Variants in MRAS observed in about 807,000 individuals in gnomAD.
The protein encoded by MRAS is muscle RAS oncogene homolog.
MRAS carries 4 observed loss-of-function variants against 20.9 expected under a neutral mutation model. The observed-to-expected ratio is 0.19, with a 90% CI of 0.09 to 0.44. MRAS has a LOEUF of 0.44. MRAS is among the 20% of genes least tolerant of loss of function. The pLI is 0.99. For missense variants in MRAS, 154 were observed against 277.5 expected (o/e 0.56, Z 3.16); for synonymous variants, 98 against 102.9 (o/e 0.95, Z 0.29).
rs1342037508 is a variant in MRAS at position 138,404,106 on chromosome 3, C to T, written c.*1837C>T. The stretch of plus-strand genomic sequence containing the variant: ...GAGGCACTTCAAAGTTTCCTTAGAC[C>T]CTATAGTGTTAAGAGGTATTTTAAA... On this transcript the variant is annotated 3_prime_UTR_variant, in exon 6 of 6. Coordinates refer to ENST00000423968, the MANE Select transcript of MRAS (RefSeq NM_001085049.3). 2 of 152,154 alleles carry T rather than the reference C, an allele frequency of 1.3e-5. No individual in the cohort carries two copies. The highest frequency in any genetic ancestry group is 2.9e-5 in the Non-Finnish European group (2 of 68,038). The allele number at this position is 152,154 out of a possible 1,614,324, so 9.4% of individuals were successfully genotyped here. A position where few individuals can be genotyped will look rare whatever the true frequency, so the allele number is the denominator to read the frequency against.
At chr3:138,370,086 A>G (rs2054643710) in intron 1 of MRAS, among the ~76,000 whole-genome samples, 2 of 152,174 alleles carry the variant, frequency 1.3e-5, no homozygotes, top group Admixed American at 1.3e-4. Context: ...TTGGGAGGCC[A>G]AGGCAGGCAG....
chr3:138,356,792 G>C (rs1299845910), intron 1 of MRAS, among the ~76,000 whole-genome samples: 2 of 152,150 alleles, frequency 1.3e-5, no homozygotes, highest in Non-Finnish European at 2.9e-5. Flanking sequence ...TCATGCTCCT[G>C]CTGAGGAAGT....
In MRAS at chr3:138,402,321, C is replaced by A; in HGVS notation, c.*52C>A. 1 of 1,455,682 alleles carries A rather than the reference C, an allele frequency of 6.9e-7. No individual in the cohort carries two copies. The highest frequency in any genetic ancestry group is 9.6e-7 in the Non-Finnish European group (1 of 1,041,394). 90.2% of individuals were successfully genotyped at this position (1,455,682 alleles called of 1,614,324 possible). ...CGGTGGCCTGGCCAGCCCTCGGGAC[C>A]CCTCCCCACCTAACTGCACTGAAAC... On this transcript the variant is annotated 3_prime_UTR_variant, in exon 6 of 6. Coordinates refer to ENST00000423968, the MANE Select transcript of MRAS (RefSeq NM_001085049.3).
intron 2 of MRAS, among the ~76,000 whole-genome samples, chr3:138,384,621 C>T (rs990007322): frequency 1.3e-5 from 2 of 152,090 alleles, no homozygotes; most frequent in South Asian, 2.1e-4. Flanking sequence ...AAGTAGAAGT[C>T]AGGGTGGCAG....
intron 2 of MRAS, among the ~76,000 whole-genome samples, chr3:138,377,381 T>C (rs2108526858): frequency 6.6e-6 from 1 of 152,226 alleles, no homozygotes; most frequent in East Asian, 1.9e-4. Flanking sequence ...CCGAGGTGGG[T>C]GGATCACGAG....
At chr3:138,362,390 C>T (rs1023951743) in intron 1 of MRAS, among the ~76,000 whole-genome samples, 11 of 152,164 alleles carry the variant, frequency 7.2e-5, no homozygotes, top group African/African-American at 1.9e-4. Flanking sequence ...TAACCCTCCC[C>T]CACAACTTTC....
chr3:138,364,167 CAT>C (rs2054514060), intron 1 of MRAS, among the ~76,000 whole-genome samples: 1 of 152,106 alleles, frequency 6.6e-6, no homozygotes, highest in Non-Finnish European at 1.5e-5. Context: ...CCCCCACACA[CAT>C]ATCGGCCTGC....
rs1478046940 is a variant in MRAS, at chr3:138,404,512, G to A, written c.*2243G>A. ...ATAGGGATTTCAACCACACAGTTGG[G>A]ACAGAAGGGACAGTGCATCTGTTCA... is the stretch of plus-strand genomic sequence containing the variant. On this transcript the variant is annotated 3_prime_UTR_variant, in exon 6 of 6. Transcript: ENST00000423968. 6.6e-6 allele frequency: 1 copy of A among 152,276 alleles called. No individual in the cohort carries two copies. The highest frequency in any genetic ancestry group is 2.4e-5 in the African/African-American group (1 of 41,454). 9.4% of individuals were successfully genotyped at this position (152,276 alleles called of 1,614,324 possible).
chr3:138,396,979 G>A (rs1174518901), intron 2 of MRAS, among the ~76,000 whole-genome samples: 2 of 152,182 alleles, frequency 1.3e-5, no homozygotes, highest in Admixed American at 1.3e-4. Flanking sequence ...TCCAAGCCCA[G>A]GTCTGGCCAG....
chr3:138,397,585 G>A (rs2055267846), intron 3 of MRAS, 108 bp downstream of exon 3: 1 of 1,358,332 alleles, frequency 7.4e-7, no homozygotes, highest in African/African-American at 1.5e-5. Context: ...CCTAATTAAA[G>A]GCGTGGATTT....
Position 138,357,292 on chromosome 3 carries a change from G to A in MRAS, c.-19+8525G>A, listed in dbSNP as rs77301828. 9.9e-3 allele frequency among the ~76,000 whole-genome samples: 1,501 copies of A among 152,326 alleles called. 24 individuals are homozygous for A. Among genetic ancestry groups the A allele is most frequent in the African/African-American group, 0.034 (1,398 of 41,574 alleles). On this transcript the variant is annotated intron_variant, in intron 1 of 5. Transcript: ENST00000423968. ...GGGAGGGGTCTGAGGCCACCCAGCC[G>A]GGCTGCAGAATTGGCAGCCTGGGGA...
intron 1 of MRAS, among the ~76,000 whole-genome samples, chr3:138,372,270 C>T (rs550734462): frequency 5.9e-5 from 9 of 152,160 alleles, no homozygotes; most frequent in Admixed American, 2.0e-4. Context: ...GCTCCTACCC[C>T]CTCCTCCCCA....
intron 2 of MRAS, among the ~76,000 whole-genome samples, chr3:138,385,652 A>T (rs2108541249): frequency 6.6e-6 from 1 of 152,032 alleles, no homozygotes; most frequent in East Asian, 1.9e-4. Context: ...AGTAGCTGGG[A>T]CTGCAGGCGC....
intron 4 of MRAS, among the ~76,000 whole-genome samples, chr3:138,399,074 A>G (rs1042269084): frequency 1.3e-5 from 2 of 152,184 alleles, no homozygotes; most frequent in East Asian, 1.9e-4. Context: ...TTGGTGTCCA[A>G]CCTGGAAGAG....
intron 2 of MRAS, among the ~76,000 whole-genome samples, chr3:138,387,042 G>T (rs2055031170): frequency 6.6e-6 from 1 of 152,146 alleles, no homozygotes; most frequent in Non-Finnish European, 1.5e-5. Flanking sequence ...GTTGATGTGG[G>T]GTGCAAGCAT....
rs184014774 is a variant in MRAS, at chr3:138,389,732, A to G, written c.194-7592A>G. Among the ~76,000 whole-genome samples, 229 of 151,824 alleles carry G rather than the reference A, an allele frequency of 1.5e-3. 1 individual carries two copies. Among genetic ancestry groups the G allele is most frequent in the African/African-American group, 4.6e-3 (190 of 41,348 alleles). ...CCTGGACCTCAATGTCCCCATCTAT[A>G]CTAGGAGGATGGTAATATCTTACTT... On this transcript the variant is annotated intron_variant, in intron 2 of 5. Coordinates refer to ENST00000423968, the MANE Select transcript of MRAS (RefSeq NM_001085049.3).
Position 138,372,896 on chromosome 3 carries a change from GCC to G in MRAS, c.14_15del (p.Ala5GlyfsTer4). Reference protein sequence around the residue: MATSAVPSDNLPTYK... With the variant: MATSXVPSDNLPTYK... ...ACCTACGAGAAACATGGCAACCAGC[GCC>G]GTCCCCAGTGACAACCTCCCCACAT... is the stretch of plus-strand genomic sequence containing the variant. On this transcript the variant is annotated frameshift_variant, in exon 2 of 6. Coordinates refer to ENST00000423968, the MANE Select transcript of MRAS (RefSeq NM_001085049.3). LOFTEE classifies it high-confidence loss of function. The G allele has an allele frequency of 6.5e-7, 1 of 1,542,716 alleles. No individual in the cohort carries two copies. Among genetic ancestry groups the G allele is most frequent in the Non-Finnish European group, 8.7e-7 (1 of 1,152,778 alleles).
chr3:138,359,083 A>AC (rs1260979268), intron 1 of MRAS, among the ~76,000 whole-genome samples: 3 of 151,882 alleles, frequency 2.0e-5, no homozygotes, highest in East Asian at 3.9e-4. Flanking sequence ...GCTTCCCTCG[A>AC]CCCCCCAGCC....
chr3:138,380,919 G>T (rs1046251146), intron 2 of MRAS, among the ~76,000 whole-genome samples: 1 of 151,800 alleles, frequency 6.6e-6, no homozygotes. Context: ...ATAGGCACGT[G>T]CCACCACACC....
Sources: allele counts gnomAD v4.1 joint callset (sites outside exome capture counted in the v4.1 genomes callset), GRCh38; gene constraint gnomAD v4.1.1; transcripts MANE v1.5; gene names NCBI Gene and HGNC (gene_info 2026-07-23, HGNC 2026-07-21).